TRIM77: variants seen among roughly 807,000 people sequenced by gnomAD.
The protein encoded by TRIM77 is tripartite motif-containing protein 77.
In TRIM77, 23 loss-of-function variants were observed where a neutral mutation model predicts 31.8. The observed-to-expected ratio is 0.72, with a 90% confidence interval of 0.52 to 1.02. The LOEUF is 1.02. TRIM77 is among the 50% of genes least tolerant of loss of function. TRIM77 has a pLI of 0.00. For missense variants in TRIM77, 446 were observed against 539.2 expected, an observed-to-expected ratio of 0.83 and a Z score of 1.71; for synonymous variants, 159 against 183.1, an observed-to-expected ratio of 0.87 and a Z score of 1.06.
chr11:89,711,943 G>T (rs1212232459), intron 2 of TRIM77, among the ~76,000 whole-genome samples: 2 of 152,180 alleles, frequency 1.3e-5, no homozygotes, highest in African/African-American at 4.8e-5. Flanking sequence ...AAAGCTGAAA[G>T]TTAGAAAAGC....
intron 4 of TRIM77, 23 bp downstream of exon 4, chr11:89,715,203 G>A: frequency 6.5e-7 from 1 of 1,550,018 alleles, no homozygotes; most frequent in Non-Finnish European, 8.7e-7. Context: ...CTCTATCCAA[G>A]TCCTGGTAAT....
At position 89,710,449 on chromosome 11, in the gene TRIM77, T is replaced by A. The variant is rs1182673116; in HGVS notation, c.151T>A (p.Cys51Ser). 1.9e-6 allele frequency: 3 copies of A among 1,551,764 alleles called. No homozygotes were observed. The highest frequency in any genetic ancestry group is 1.4e-5 in the African/African-American group (1 of 73,182). ...LLWEDTLTPN[C>S]CPVCREISQQ... ...GTGGGAAGATACACTAACTCCTAAT[T>A]GCTGCCCTGTGTGCAGGGAAATATC... Residue 51 changes from cysteine (C) to serine (S), a missense_variant, in exon 1 of 6, where the codon TGC (cysteine) becomes AGC (serine). Transcript: ENST00000398290.
chr11:89,710,374 G>A lies in TRIM77; in HGVS notation c.76G>A (p.Val26Ile), dbSNP rs780885434. The stretch of plus-strand genomic sequence containing the variant: ...CTGCACAGACTATTTGACAGACCCT[G>A]TCACCATTTGTTGTGGGCACAGATT... ...SICTDYLTDP[V>I]TICCGHRFCS... The change falls in exon 1 of 6, where the codon GTC becomes ATC. Residue 26 changes from valine to isoleucine, a missense_variant. Around this residue, in one of 3 missense-constraint regions of TRIM77, gnomAD observed 72 missense variants for 64.7 expected, o/e 1.11. Transcript: ENST00000398290. 6.4e-7 allele frequency: 1 copy of A among 1,552,038 alleles called. No homozygotes were observed. The highest frequency in any genetic ancestry group is 1.4e-5 in the African/African-American group (1 of 73,170).
intron 5 of TRIM77, among the ~76,000 whole-genome samples, chr11:89,716,486 C>A (rs1243306502): frequency 6.6e-6 from 1 of 152,114 alleles, no homozygotes; most frequent in African/African-American, 2.4e-5. Flanking sequence ...AACCACAAAG[C>A]AGTCTGAAAG....
intron 1 of TRIM77, 52 bp from the exon 2 acceptor site, chr11:89,711,358 A>T: frequency 1.1e-6 from 1 of 933,904 alleles, no homozygotes; most frequent in Non-Finnish European, 1.6e-6. Flanking sequence ...TAGTATCTGA[A>T]ATATACTATA....
chr11:89,716,670 C>G (rs144410985), intron 5 of TRIM77, among the ~76,000 whole-genome samples: 56 of 152,192 alleles, frequency 3.7e-4, no homozygotes, highest in African/African-American at 1.3e-3. Context: ...TATAGATTTT[C>G]AGTTTATTTC....
chr11:89,710,728 T>C lies in TRIM77; in HGVS notation c.411+19T>C. On this transcript the variant is annotated intron_variant, in intron 1 of 5. Transcript: ENST00000398290. Reference sequence around the variant, plus strand: ...CTATAGGGTAAGTAAATGCTACTGATTGCACTTTGAAATGTGAAGAACCCT... The same window carrying C: ...CTATAGGGTAAGTAAATGCTACTGACTGCACTTTGAAATGTGAAGAACCCT... 6.7e-7 allele frequency: 1 copy of C among 1,494,934 alleles called. No homozygotes were observed. The allele number at this position is 1,494,934 out of a possible 1,614,324, so 92.6% of individuals were successfully genotyped here.
intron 3 of TRIM77, among the ~76,000 whole-genome samples, chr11:89,714,817 T>C (rs1388926712): frequency 2.6e-5 from 4 of 152,208 alleles, no homozygotes; most frequent in African/African-American, 9.6e-5. Context: ...AGTCCTAAAT[T>C]TGGGCCCCAC....
chr11:89,713,072 G>A (rs1054772803), intron 2 of TRIM77, among the ~76,000 whole-genome samples: 3 of 151,982 alleles, frequency 2.0e-5, no homozygotes, highest in African/African-American at 7.3e-5. Context: ...AAGAGATTGA[G>A]ACCATCTTGG....
chr11:89,715,233 T>C (rs1039388759), intron 4 of TRIM77, 53 bp downstream of exon 4: 3 of 1,514,482 alleles, frequency 2.0e-6, no homozygotes, highest in South Asian at 1.2e-5. Flanking sequence ...AATCAGGCTG[T>C]TTCTGCTGGG....
In TRIM77 at chr11:89,710,642, G is replaced by A. The variant is rs1349716778; in HGVS notation, c.344G>A (p.Cys115Tyr). ...ETDRSLLCFLCSQSPRHATHK... is the reference protein window; with the variant it reads ...ETDRSLLCFLYSQSPRHATHK... ...GATAGGAGCCTGCTGTGTTTTCTAT[G>A]CTCTCAATCCCCAAGGCATGCTACT... is the stretch of plus-strand genomic sequence containing the variant. The change falls in exon 1 of 6, where the codon TGC (cysteine) becomes TAC (tyrosine). Residue 115 changes from cysteine to tyrosine, a missense_variant. Coordinates refer to ENST00000398290, the MANE Select transcript of TRIM77 (RefSeq NM_001146162.1). 1 of 1,550,984 alleles carries A rather than the reference G, an allele frequency of 6.4e-7. No homozygotes were observed. The highest frequency in any genetic ancestry group is 2.0e-5 in the Admixed American group (1 of 50,964).
At chr11:89,714,757 A>G (rs915990978) in intron 3 of TRIM77, among the ~76,000 whole-genome samples, 9 of 152,344 alleles carry the variant, frequency 5.9e-5, no homozygotes, top group Admixed American at 5.9e-4. Flanking sequence ...GGATGTGTCA[A>G]TATGTGAAAG....
At chr11:89,710,812 G>T (rs896447418) in intron 1 of TRIM77, 103 bp downstream of exon 1, 4 of 1,028,744 alleles carry the variant, frequency 3.9e-6, no homozygotes, top group African/African-American at 1.6e-5. Context: ...ATAATTTTAT[G>T]CAATAAACAA....
chr11:89,714,087 T>C (rs1054683082), intron 2 of TRIM77, 105 bp from the exon 3 acceptor site: 41 of 725,684 alleles, frequency 5.6e-5, no homozygotes, highest in Non-Finnish European at 8.4e-5. Context: ...AGCATTAAAC[T>C]ATATTTAGTA....
intron 2 of TRIM77, among the ~76,000 whole-genome samples, chr11:89,713,141 G>A (rs1348182344): frequency 1.3e-5 from 2 of 151,724 alleles, no homozygotes; most frequent in African/African-American, 4.8e-5. Flanking sequence ...GCATGGTGGT[G>A]TGCGCCTGTA....
In TRIM77 at chr11:89,710,411, G is replaced by A; in HGVS notation, c.113G>A (p.Cys38Tyr). 6.4e-7 allele frequency: 1 copy of A among 1,551,876 alleles called. No individual in the cohort carries two copies. The highest frequency in any genetic ancestry group is 1.7e-4 in the Middle Eastern group (1 of 5,994). Residue 38 changes from cysteine (C) to tyrosine (Y), a missense_variant, in exon 1 of 6, where the codon TGT (cysteine) becomes TAT (tyrosine). By Grantham distance (194) the Cys-to-Tyr change is radical. Coordinates refer to ENST00000398290, the MANE Select transcript of TRIM77 (RefSeq NM_001146162.1). Reference sequence around the variant, plus strand: ...TGTGGGCACAGATTTTGTAGTCCCTGTCTCTGCCTCTTGTGGGAAGATACA... The same window carrying A: ...TGTGGGCACAGATTTTGTAGTCCCTATCTCTGCCTCTTGTGGGAAGATACA... ...ICCGHRFCSP[C>Y]LCLLWEDTLT...
intron 2 of TRIM77, among the ~76,000 whole-genome samples, chr11:89,712,786 G>A (rs1385444683): frequency 6.6e-6 from 1 of 152,086 alleles, no homozygotes; most frequent in Non-Finnish European, 1.5e-5. Flanking sequence ...AGGTAAAGGG[G>A]TCTTTAATCA....
chr11:89,714,447 G>A (rs1487229517), intron 3 of TRIM77, 25 bp downstream of exon 3: 2 of 1,459,216 alleles, frequency 1.4e-6, no homozygotes, highest in Admixed American at 4.1e-5. Context: ...AGATCAGGGT[G>A]CTGAACACCA....
chr11:89,714,168 T>G, intron 2 of TRIM77, 24 bp from the exon 3 acceptor site: 3 of 1,472,348 alleles, frequency 2.0e-6, no homozygotes, highest in Non-Finnish European at 2.8e-6. Flanking sequence ...GACACATGAT[T>G]TAATTAATCA....
Sources: gnomAD v4.1 joint callset for allele counts (sites outside exome capture counted in the v4.1 genomes callset) on GRCh38, gnomAD v4.1.1 for gene constraint, gnomAD v4.1.1 regional missense constraint, MANE v1.5 for transcripts, NCBI Gene and HGNC (gene_info 2026-07-23, HGNC 2026-07-21) for gene names.